CDH13: variants seen among roughly 807,000 people sequenced by gnomAD.
The protein encoded by CDH13 is cadherin-13.
CDH13 carries 24 observed loss-of-function variants against 63.8 expected under a neutral mutation model. The ratio of observed to expected loss-of-function variants is 0.38; its 90% CI spans 0.27 to 0.53. CDH13 has a LOEUF of 0.53. Among genes scored for constraint, CDH13 ranks in the 20% least tolerant of loss-of-function variants. CDH13 has a pLI of 0.85. For synonymous variants in CDH13, 503 were observed against 355.3 expected, an observed-to-expected ratio of 1.42 and a Z score of -4.67; for missense variants, 1,049 against 903.1, an observed-to-expected ratio of 1.16 and a Z score of -2.07.
intron 3 of CDH13, among the ~76,000 whole-genome samples, chr16:83,045,359 C>G (rs1197038037): frequency 1.3e-5 from 2 of 152,042 alleles, no homozygotes. Context: ...GATGGGTTGG[C>G]TGGGGGCGAT....
At chr16:83,476,840 C>G (rs989621531) in intron 6 of CDH13, among the ~76,000 whole-genome samples, 2 of 152,170 alleles carry the variant, frequency 1.3e-5, no homozygotes, top group Non-Finnish European at 2.9e-5. Context: ...AAAGTTTCCA[C>G]TTAAAATTGA....
At chr16:82,786,463 C>G (rs1422991083) in intron 1 of CDH13, among the ~76,000 whole-genome samples, 1 of 129,800 alleles carries the variant, frequency 7.7e-6, no homozygotes, top group African/African-American at 2.9e-5. Context: ...TTTCCATAGT[C>G]TCATCTATGC....
chr16:83,250,631 T>C (rs1367450627), intron 5 of CDH13, among the ~76,000 whole-genome samples: 1 of 151,982 alleles, frequency 6.6e-6, no homozygotes, highest in Non-Finnish European at 1.5e-5. Flanking sequence ...AATCAAGAAA[T>C]AGAGAGTTGG....
chr16:83,160,643 G>T (rs2037409245), intron 4 of CDH13, among the ~76,000 whole-genome samples: 1 of 152,140 alleles, frequency 6.6e-6, no homozygotes, highest in Non-Finnish European at 1.5e-5. Context: ...AACCTCTCCA[G>T]CTGCTTTCAG....
chr16:82,635,208 G>C (rs1419875235), intron 1 of CDH13, among the ~76,000 whole-genome samples: 1 of 152,202 alleles, frequency 6.6e-6, no homozygotes, highest in Non-Finnish European at 1.5e-5. Context: ...CTGGCACATA[G>C]TACTCAGCAA....
chr16:83,031,975 C>G (rs761854858), intron 2 of CDH13, 35 bp from the exon 3 acceptor site: 2 of 1,520,618 alleles, frequency 1.3e-6, no homozygotes, highest in Non-Finnish European at 9.0e-7. Flanking sequence ...GCCCAACCTA[C>G]TCATGCTCCT....
intron 1 of CDH13, among the ~76,000 whole-genome samples, chr16:82,807,780 G>C (rs1311478301): frequency 2.0e-5 from 3 of 152,124 alleles, no homozygotes; most frequent in Non-Finnish European, 4.4e-5. Flanking sequence ...TTTATATGTG[G>C]AGGAAAATTG....
intron 6 of CDH13, among the ~76,000 whole-genome samples, chr16:83,455,460 C>T (rs1342027670): frequency 3.3e-5 from 5 of 152,112 alleles, no homozygotes; most frequent in African/African-American, 9.7e-5. Context: ...AAGTGGCTTT[C>T]TCCAAGGACG....
chr16:83,053,302 C>G (rs1401906185), intron 3 of CDH13, among the ~76,000 whole-genome samples: 1 of 152,052 alleles, frequency 6.6e-6, no homozygotes, highest in South Asian at 2.1e-4. Context: ...TATTAGGTCT[C>G]GGGAGGTGTC....
At chr16:83,453,550 T>G (rs191424693) in intron 6 of CDH13, among the ~76,000 whole-genome samples, 108 of 152,262 alleles carry the variant, frequency 7.1e-4, no homozygotes, top group African/African-American at 2.5e-3. Context: ...ATTATAATTA[T>G]CACAATGTTG....
At chr16:83,656,549 A>C (rs770002431) in intron 8 of CDH13, among the ~76,000 whole-genome samples, 3 of 152,158 alleles carry the variant, frequency 2.0e-5, no homozygotes, top group Non-Finnish European at 4.4e-5. Flanking sequence ...AAGAGCTGCC[A>C]TTGCCCAAGC....
chr16:83,001,444 C>T (rs972316585), intron 2 of CDH13, among the ~76,000 whole-genome samples: 2 of 152,212 alleles, frequency 1.3e-5, no homozygotes, highest in Non-Finnish European at 2.9e-5. Context: ...TTCATCTCTT[C>T]CTGCTCCAAT....
chr16:83,725,234 G>C (rs1195455271), intron 10 of CDH13, among the ~76,000 whole-genome samples: 1 of 152,194 alleles, frequency 6.6e-6, no homozygotes, highest in African/African-American at 2.4e-5. Flanking sequence ...GAGGAAATGG[G>C]ATAAACAAAG....
chr16:82,728,567 T>C (rs1215660083), intron 1 of CDH13, among the ~76,000 whole-genome samples: 1 of 152,324 alleles, frequency 6.6e-6, no homozygotes, highest in East Asian at 1.9e-4. Context: ...ACTTTATTGC[T>C]ACAAAATATG....
At chr16:83,236,560 T>G (rs1462336105) in intron 5 of CDH13, among the ~76,000 whole-genome samples, 2 of 152,270 alleles carry the variant, frequency 1.3e-5, no homozygotes, top group Admixed American at 1.3e-4. Context: ...CCAATGTGCC[T>G]TCCTAAAATG....
intron 1 of CDH13, among the ~76,000 whole-genome samples, chr16:82,854,787 T>A (rs922423806): frequency 9.2e-5 from 14 of 152,226 alleles, no homozygotes; most frequent in African/African-American, 3.1e-4. Context: ...TATTTTCCTT[T>A]CCAGTTAAAT....
intron 11 of CDH13, among the ~76,000 whole-genome samples, chr16:83,765,104 C>T (rs1451745759): frequency 1.3e-5 from 2 of 152,212 alleles, no homozygotes; most frequent in African/African-American, 4.8e-5. Flanking sequence ...CACCTCTCTT[C>T]CTGTGCTTGT....
chr16:83,288,282 T>C (rs896100355), intron 5 of CDH13, among the ~76,000 whole-genome samples: 1 of 152,208 alleles, frequency 6.6e-6, no homozygotes, highest in African/African-American at 2.4e-5. Flanking sequence ...AGCCATTGTG[T>C]TGCACCAGCT....
chr16:83,006,930 T>TCG (rs1259617608), intron 2 of CDH13, among the ~76,000 whole-genome samples: 2 of 127,340 alleles, frequency 1.6e-5, no homozygotes, highest in Non-Finnish European at 3.6e-5. Context: ...GTTTGTTTGT[T>TCG]TGTTTTTTTT....
Sources: gnomAD v4.1 joint callset for allele counts (sites outside exome capture counted in the v4.1 genomes callset) on GRCh38, gnomAD v4.1.1 for gene constraint, MANE v1.5 for transcripts, NCBI Gene and HGNC (gene_info 2026-07-23, HGNC 2026-07-21) for gene names.